The following FBXO3 variants were observed in gnomAD, a reference collection of about 807,000 sequenced individuals.
FBXO3 encodes F-box only protein 3.
In FBXO3, 17 loss-of-function variants were observed where a neutral mutation model predicts 64.8. The ratio of observed to expected loss-of-function variants is 0.26; its 90% CI spans 0.18 to 0.39. FBXO3 has a LOEUF of 0.39. Ranked by LOEUF, FBXO3 falls within the 10% of genes least tolerant of loss-of-function variation. The pLI is 1.00. For missense variants in FBXO3, 420 were observed against 589.9 expected (o/e 0.71, Z 2.98); for synonymous variants, 182 against 201.6 (o/e 0.90, Z 0.82).
chr11:33,751,942 G>A (rs1312054756), intron 6 of FBXO3, among the ~76,000 whole-genome samples: 1 of 152,114 alleles, frequency 6.6e-6, no homozygotes, highest in Non-Finnish European at 1.5e-5. Flanking sequence ...GTAATTTATT[G>A]AACATATAGA....
At chr11:33,750,459 T>C (rs1249741964) in intron 8 of FBXO3, 80 bp downstream of exon 8, 3 of 1,506,820 alleles carry the variant, frequency 2.0e-6, no homozygotes, top group African/African-American at 2.8e-5. Flanking sequence ...TTACATATCA[T>C]GTCAAATGGG....
At chr11:33,751,667 AGG>A in intron 6 of FBXO3, 60 bp from the exon 7 acceptor site, 1 of 974,870 alleles carries the variant, frequency 1.0e-6, no homozygotes, top group Non-Finnish European at 1.5e-6. Context: ...AAATCTATAC[AGG>A]AAACAATTGT....
At chr11:33,760,482 A>C (rs1195072719) in intron 3 of FBXO3, among the ~76,000 whole-genome samples, 1 of 152,082 alleles carries the variant, frequency 6.6e-6, no homozygotes, top group African/African-American at 2.4e-5. Flanking sequence ...ATCTATAAAA[A>C]AAAAAACCTT....
intron 3 of FBXO3, among the ~76,000 whole-genome samples, chr11:33,759,138 C>T (rs143065748): frequency 3.3e-5 from 5 of 152,106 alleles, no homozygotes; most frequent in Non-Finnish European, 7.4e-5. Context: ...GAGATGAGAT[C>T]GACATTCAGC....
At chr11:33,759,796 C>G (rs953322800) in intron 3 of FBXO3, among the ~76,000 whole-genome samples, 3 of 152,110 alleles carry the variant, frequency 2.0e-5, no homozygotes, top group African/African-American at 7.2e-5. Context: ...ATAACCACAA[C>G]TGATACATTC....
At chr11:33,757,597 C>A (rs1490968509) in intron 4 of FBXO3, among the ~76,000 whole-genome samples, 1 of 129,796 alleles carries the variant, frequency 7.7e-6, no homozygotes, top group Non-Finnish European at 1.6e-5. Context: ...CGCAGGAGGA[C>A]TGCTTGAGCC....
intron 4 of FBXO3, among the ~76,000 whole-genome samples, chr11:33,757,657 A>T (rs1465764593): frequency 4.7e-5 from 4 of 84,452 alleles, no homozygotes; most frequent in Non-Finnish European, 6.8e-5. Flanking sequence ...ACCATCTCTT[A>T]AAAAAAAAAA....
At position 33,758,615 on chromosome 11, in the gene FBXO3, A is replaced by G; in HGVS notation, c.359-14T>C. The G allele has an allele frequency of 6.4e-7, 1 of 1,552,340 alleles. No homozygotes were observed. Among genetic ancestry groups the G allele is most frequent in the East Asian group, 2.3e-5 (1 of 43,756 alleles). ...CTCGAGCACCCTCTATAAAGGCACAAAAAAGAGTGAATTGTGAAGAAACAG... is the reference window on the plus strand; with the variant it reads ...CTCGAGCACCCTCTATAAAGGCACAGAAAAGAGTGAATTGTGAAGAAACAG... On this transcript the variant is annotated splice_polypyrimidine_tract_variant and intron_variant, in intron 3 of 10. Coordinates refer to ENST00000265651, the MANE Select transcript of FBXO3 (RefSeq NM_012175.4).
At chr11:33,745,496 A>C (rs2133591918) in intron 10 of FBXO3, 1 of 152,300 alleles carries the variant, frequency 6.6e-6, no homozygotes, top group South Asian at 2.1e-4. Context: ...AAATTCTCTA[A>C]CCACAATAAA....
Position 33,747,226 on chromosome 11 carries a change from G to A in FBXO3, c.1143C>T (p.Thr381=), listed in dbSNP as rs774694608. 3.7e-6 allele frequency: 6 copies of A among 1,611,826 alleles called. No individual in the cohort carries two copies. The highest frequency in any genetic ancestry group is 1.6e-4 in the Middle Eastern group (1 of 6,068). ...TGTCTTTAAAGTAAAGAAAATGGAA[G>A]GTATAATATCCTTCCATGTATCCTG... ...TTSGYMEGYY[T]FHFLYFKDKI... Residue 381 remains threonine, a synonymous_variant, in exon 10 of 11, where the codon ACC becomes ACT. Transcript: ENST00000265651.
At chr11:33,759,028 T>A (rs1165168458) in intron 3 of FBXO3, among the ~76,000 whole-genome samples, 1 of 152,208 alleles carries the variant, frequency 6.6e-6, no homozygotes, top group Non-Finnish European at 1.5e-5. Flanking sequence ...AAGGTATGGT[T>A]CATGTGTGAG....
chr11:33,768,803 A>C, intron 3 of FBXO3, 48 bp downstream of exon 3: 1 of 1,605,606 alleles, frequency 6.2e-7, no homozygotes, highest in Non-Finnish European at 8.5e-7. Context: ...TAACCTATTT[A>C]TACTAACAGT....
intron 10 of FBXO3, chr11:33,746,294 T>C (rs1014766043): frequency 1.4e-5 from 3 of 210,832 alleles, no homozygotes; most frequent in Admixed American, 5.7e-5. Context: ...ATTCCTCCAC[T>C]GGGAAGAAAT....
At chr11:33,770,622 G>T in intron 2 of FBXO3, 119 bp downstream of exon 2, 2 of 699,256 alleles carry the variant, frequency 2.9e-6, no homozygotes, top group Non-Finnish European at 4.9e-6. Context: ...TAGCAGGCAC[G>T]AGAAGAGCCA....
chr11:33,741,724 A>G lies in FBXO3; in HGVS notation c.*184T>C, dbSNP rs2133587601. 6.2e-6 allele frequency: 3 copies of G among 483,154 alleles called. No homozygotes were observed. The highest frequency in any genetic ancestry group is 6.0e-5 in the African/African-American group (3 of 50,184). 29.9% of individuals were successfully genotyped at this position (483,154 alleles called of 1,614,324 possible). ...GATTCCCATTTCTTCCTCTACCTCA[A>G]AAACACAAAGCAAACCCAAACAATC... On this transcript the variant is annotated 3_prime_UTR_variant, in exon 11 of 11. Transcript: ENST00000265651.
chr11:33,757,656 T>TAAAAAAAAAAAAAAA (rs1170445394), intron 4 of FBXO3, among the ~76,000 whole-genome samples: 497 of 23,952 alleles, frequency 0.021, 118 homozygotes, highest in Non-Finnish European at 0.025. Flanking sequence ...CACCATCTCT[T>TAAAAAAAAAAAAAAA]AAAAAAAAAA....
At position 33,758,472 on chromosome 11, in the gene FBXO3, C is replaced by T; in HGVS notation, c.473+15G>A. 1 of 1,544,610 alleles carries T rather than the reference C, an allele frequency of 6.5e-7. No individual in the cohort carries two copies. Among genetic ancestry groups the T allele is most frequent in the East Asian group, 2.3e-5 (1 of 43,602 alleles). On this transcript the variant is annotated intron_variant, in intron 4 of 10. Coordinates refer to ENST00000265651, the MANE Select transcript of FBXO3 (RefSeq NM_012175.4). The stretch of plus-strand genomic sequence containing the variant: ...CTTGCATCATTAAAAATAACCAAAA[C>T]ATTGAATATCTTACCCAGGAACCAC...
chr11:33,772,732 A>G (rs999195939), intron 1 of FBXO3: 2 of 152,262 alleles, frequency 1.3e-5, no homozygotes, highest in Admixed American at 6.5e-5. Context: ...TGTAAGCTCC[A>G]TAAGAGTTGC....
intron 1 of FBXO3, 181 bp downstream of exon 1, chr11:33,774,213 G>A (rs2133632115): frequency 3.5e-6 from 2 of 579,490 alleles, no homozygotes; most frequent in South Asian, 4.0e-5. Flanking sequence ...TCAGGGCGAG[G>A]CCCTTTCCGC....
Sources: allele counts gnomAD v4.1 joint callset (sites outside exome capture counted in the v4.1 genomes callset), GRCh38; gene constraint gnomAD v4.1.1; transcripts MANE v1.5; gene names NCBI Gene and HGNC (gene_info 2026-07-23, HGNC 2026-07-21).